The following RNF213 variants were observed in gnomAD, a reference collection of about 807,000 sequenced individuals.
The protein encoded by RNF213 is ring finger protein 213.
RNF213 carries 341 observed loss-of-function variants against 514.4 expected under a neutral mutation model. The observed-to-expected ratio is 0.66, with a 90% confidence interval of 0.61 to 0.73. RNF213 has a LOEUF of 0.73. Ranked by LOEUF, RNF213 falls within the 30% of genes least tolerant of loss-of-function variation. The probability of loss-of-function intolerance (pLI) is 0.00; values close to 1 mark genes in which losing one functional copy is unlikely to be tolerated. For missense variants in RNF213, 5,767 were observed against 6,615.6 expected, an observed-to-expected ratio of 0.87 and a Z score of 4.45; for synonymous variants, 2,655 against 2,658.2, an observed-to-expected ratio of 1.00 and a Z score of 0.04.
chr17:80,299,578 T>TATTTATTTATTTATTTTA (rs1399303240), intron 11 of RNF213, among the ~76,000 whole-genome samples: 2 of 151,408 alleles, frequency 1.3e-5, no homozygotes, highest in African/African-American at 4.9e-5. Flanking sequence ...TTTTAACTTC[T>TATTTATTTATTTATTTTA]AAGTTCAGGA....
chr17:80,336,326 T>C lies in RNF213; in HGVS notation c.4475T>C (p.Leu1492Pro), dbSNP rs551749611. The change falls in exon 23 of 68, where the codon CTG (leucine) becomes CCG (proline). Residue 1492 changes from leucine (L) to proline (P), a missense_variant. This residue lies in a region of RNF213 where 1,377 missense variants were observed against 1,635.2 expected (regional missense o/e 0.84). Transcript: ENST00000582970. Reference protein sequence around the residue: ...SVDFSAFMKHLKKLWKALDKD... With the variant: ...SVDFSAFMKHPKKLWKALDKD... ...GACTTCAGTGCATTCATGAAGCATCTGAAAAAGCTGTGGAAGGCTCTGGAT... is the reference window on the plus strand; with the variant it reads ...GACTTCAGTGCATTCATGAAGCATCCGAAAAAGCTGTGGAAGGCTCTGGAT... 6.5e-7 allele frequency: 1 copy of C among 1,537,260 alleles called. No homozygotes were observed. The highest frequency in any genetic ancestry group is 2.4e-5 in the East Asian group (1 of 40,924).
intron 8 of RNF213, among the ~76,000 whole-genome samples, chr17:80,293,781 C>T (rs1486808244): frequency 2.0e-5 from 3 of 151,724 alleles, no homozygotes; most frequent in Admixed American, 1.3e-4. Context: ...GAGCCAAGAT[C>T]GTGCCACTGC....
chr17:80,364,375 C>A (rs2079174304), intron 41 of RNF213, 58 bp from the exon 42 acceptor site: 2 of 1,612,816 alleles, frequency 1.2e-6, no homozygotes, highest in South Asian at 2.2e-5. Flanking sequence ...CCTCGTTTCA[C>A]CCTTGGGTTC....
intron 36 of RNF213, among the ~76,000 whole-genome samples, chr17:80,357,955 C>T (rs187120745): frequency 5.6e-4 from 86 of 152,272 alleles, no homozygotes; most frequent in Non-Finnish European, 5.9e-4. Flanking sequence ...GTCACTACAC[C>T]GCAGTTGGCG....
At position 80,309,051 on chromosome 17, in the gene RNF213, G is replaced by A. The variant is rs370535858; in HGVS notation, c.2535G>A (p.Leu845=). The A allele has an allele frequency of 2.5e-6, 4 of 1,614,006 alleles. No individual in the cohort carries two copies. The highest frequency in any genetic ancestry group is 3.4e-6 in the Non-Finnish European group (4 of 1,180,030). The change falls in exon 14 of 68, where the codon CTG becomes CTA. Residue 845 remains leucine (L), a synonymous_variant. Transcript: ENST00000582970. ...AGGAGGCCTTGTCACCATCCTACCT[G>A]ACTGTGTGTCTGAAACTGCATGAAG... ...IPEEALSPSY[L]TVCLKLHEAI... is the part of the protein sequence containing the mutation.
In RNF213 at chr17:80,374,393, G is replaced by A. The variant is rs551175441; in HGVS notation, c.12943-65G>A. Reference sequence around the variant, plus strand: ...GATCAACCACCTGGTTCCTGTACCCGTTCAGACGGTTCTTTGCAAGACATT... The same window carrying A: ...GATCAACCACCTGGTTCCTGTACCCATTCAGACGGTTCTTTGCAAGACATT... On this transcript the variant is annotated intron_variant, in intron 49 of 67. Transcript: ENST00000582970. The A allele has an allele frequency of 2.0e-4, 327 of 1,605,526 alleles. No homozygotes were observed. In the South Asian group the frequency reaches 2.4e-3, roughly 12 times the overall value.
At chr17:80,389,568 C>T (rs1442964625) in intron 65 of RNF213, among the ~76,000 whole-genome samples, 1 of 152,158 alleles carries the variant, frequency 6.6e-6, no homozygotes, top group South Asian at 2.1e-4. Flanking sequence ...CTAGAAATGC[C>T]AGCAGTCTAG....
rs751163431 is a variant in RNF213, at chr17:80,291,834, C to T, written c.1471+7C>T. 1.9e-5 allele frequency: 31 copies of T among 1,613,952 alleles called. No individual in the cohort carries two copies. The highest frequency in any genetic ancestry group is 8.0e-5 in the African/African-American group (6 of 74,930). ...TCACTTCTGGGCTCAGGAGGTAAGT[C>T]GTGGCAGCAGGCTGTCTGCTCACCC... is the stretch of plus-strand genomic sequence containing the variant. On this transcript the variant is annotated splice_region_variant and intron_variant, in intron 8 of 67. Transcript: ENST00000582970.
Position 80,334,268 on chromosome 17 carries a change from G to A in RNF213, c.4307G>A (p.Gly1436Glu), listed in dbSNP as rs2077920158. ...ATCTGCTGGGTCCGGGAGGCTCTTG[G>A]AGGTAAAATCAGCCTTTGGGGTTGC... ...EFICWVREALGGINELKVFVD... is the reference protein window; with the variant it reads ...EFICWVREALEGINELKVFVD... Residue 1436 changes from glycine (G) to glutamate (E), a missense_variant and splice_region_variant, in exon 22 of 68, where the codon GGA becomes GAA. Gly to Glu is a moderately conservative substitution (Grantham distance 98, BLOSUM62 -2). Transcript: ENST00000582970. The A allele has an allele frequency of 6.5e-7, 1 of 1,532,966 alleles. No homozygotes were observed. Among genetic ancestry groups the A allele is most frequent in the Non-Finnish European group, 8.7e-7 (1 of 1,144,484 alleles). 95.0% of individuals were successfully genotyped at this position (1,532,966 alleles called of 1,614,324 possible).
rs757552706 is a variant in RNF213, at chr17:80,367,739, T to C, written c.11872-9T>C. 3 of 1,613,120 alleles carry C rather than the reference T, an allele frequency of 1.9e-6. No individual in the cohort carries two copies. The highest frequency in any genetic ancestry group is 2.2e-5 in the East Asian group (1 of 44,884). ...CCTGCTAATGACTCCTGTCCCTGCCTTTCTTCAGTGTCTTCGAGAGAACTC... is the reference window on the plus strand; with the variant it reads ...CCTGCTAATGACTCCTGTCCCTGCCCTTCTTCAGTGTCTTCGAGAGAACTC... On this transcript the variant is annotated splice_polypyrimidine_tract_variant and intron_variant, in intron 42 of 67. Coordinates refer to ENST00000582970, the MANE Select transcript of RNF213 (RefSeq NM_001256071.3).
chr17:80,289,956 T>A, intron 6 of RNF213, 119 bp downstream of exon 6: 1 of 1,170,658 alleles, frequency 8.5e-7, no homozygotes, highest in Non-Finnish European at 1.2e-6. Flanking sequence ...TTTTGGCAAG[T>A]TTAACTTTGG....
chr17:80,337,198 A>G (rs1471090581), intron 23 of RNF213, among the ~76,000 whole-genome samples: 3 of 152,214 alleles, frequency 2.0e-5, no homozygotes, highest in Non-Finnish European at 4.4e-5. Flanking sequence ...CTCCACAGCC[A>G]TTGCTTCCAG....
chr17:80,316,974 C>T (rs1459370690), intron 15 of RNF213, among the ~76,000 whole-genome samples: 1 of 152,176 alleles, frequency 6.6e-6, no homozygotes, highest in Non-Finnish European at 1.5e-5. Context: ...CAGTAGTGGC[C>T]CCTGGTTGGG....
chr17:80,391,475 G>A (rs532646645), intron 67 of RNF213, among the ~76,000 whole-genome samples: 215 of 151,988 alleles, frequency 1.4e-3, no homozygotes, highest in Middle Eastern at 0.014. Flanking sequence ...GTTTCTCCAC[G>A]TGGCCAGGCT....
At chr17:80,337,437 C>A in intron 23 of RNF213, 149 bp from the exon 24 acceptor site, 6 of 970,960 alleles carry the variant, frequency 6.2e-6, no homozygotes, top group South Asian at 1.7e-5. Flanking sequence ...CCAGCTGGGG[C>A]GCTGGGTGGG....
chr17:80,298,116 G>A (rs976836191), intron 10 of RNF213, among the ~76,000 whole-genome samples: 4 of 152,134 alleles, frequency 2.6e-5, no homozygotes, highest in African/African-American at 4.8e-5. Flanking sequence ...GTGGGGATTC[G>A]GTGAGGGCCT....
intron 67 of RNF213, 107 bp from the exon 68 acceptor site, chr17:80,393,237 TC>T: frequency 8.9e-7 from 1 of 1,123,208 alleles, no homozygotes; most frequent in Non-Finnish European, 1.3e-6. Context: ...CACCTCAGCC[TC>T]CCACAGTGCT....
intron 47 of RNF213, 65 bp from the exon 48 acceptor site, chr17:80,372,456 A>G: frequency 8.6e-7 from 1 of 1,166,814 alleles, no homozygotes. Flanking sequence ...TGGCGACTGT[A>G]GAAGCTTGGG....
At chr17:80,339,082 C>CATTAAAGAAA in intron 25 of RNF213, 119 bp from the exon 26 acceptor site, 1 of 738,296 alleles carries the variant, frequency 1.4e-6, no homozygotes. Flanking sequence ...GAGCGCAGAT[C>CATTAAAGAAA]ATGCAGTGGG....
Sources: allele counts gnomAD v4.1 joint callset (sites outside exome capture counted in the v4.1 genomes callset), GRCh38; gene constraint gnomAD v4.1.1; regional missense constraint gnomAD v4.1.1; transcripts MANE v1.5; gene names NCBI Gene and HGNC (gene_info 2026-07-23, HGNC 2026-07-21).